Variants in PARD3 observed in about 807,000 individuals in gnomAD.
PARD3 encodes the protein par-3 family cell polarity regulator.
In PARD3, 75 loss-of-function variants were observed where a neutral mutation model predicts 155.4. The ratio of observed to expected loss-of-function variants is 0.48; its 90% CI spans 0.40 to 0.58. PARD3 has a LOEUF of 0.58. PARD3 is among the 20% of genes least tolerant of loss of function. PARD3 has a pLI of 0.00. For missense variants in PARD3, 1,642 were observed against 1,721.7 expected, an observed-to-expected ratio of 0.95 and a Z score of 0.82; for synonymous variants, 576 against 610.5, an observed-to-expected ratio of 0.94 and a Z score of 0.83.
chr10:34,648,375 G>T (rs2092908219), intron 2 of PARD3, among the ~76,000 whole-genome samples: 1 of 152,096 alleles, frequency 6.6e-6, no homozygotes, highest in South Asian at 2.1e-4. Context: ...TTTCATGCTG[G>T]TGTGCTGCTT....
In PARD3 at chr10:34,119,558, C is replaced by CG. The variant is rs1946868874; in HGVS notation, c.3668+54dup. 3 of 1,525,602 alleles carry CG rather than the reference C, an allele frequency of 2.0e-6. No individual in the cohort carries two copies. In the South Asian group the frequency reaches 3.7e-5, roughly 19 times the overall value. 94.5% of individuals were successfully genotyped at this position (1,525,602 alleles called of 1,614,324 possible). A position where few individuals can be genotyped will look rare whatever the true frequency, so the allele number is the denominator to read the frequency against. On this transcript the variant is annotated intron_variant, in intron 24 of 24. Coordinates refer to ENST00000374788, the MANE Select transcript of PARD3 (RefSeq NM_001184785.2). ...TGGGAAGGAGCGCGTTCCTAAAGGG[C>CG]GGGGGATCTTAAAGGGCCGGGGGGA... is the stretch of plus-strand genomic sequence containing the variant.
At chr10:34,434,996 TATAAG>T in intron 5 of PARD3, among the ~76,000 whole-genome samples, 1 of 152,296 alleles carries the variant, frequency 6.6e-6, no homozygotes, top group South Asian at 2.1e-4. Context: ...CAAGTTGACA[TATAAG>T]AGATAGAAAA....
At chr10:34,619,143 TG>T in intron 2 of PARD3, among the ~76,000 whole-genome samples, 1 of 151,310 alleles carries the variant, frequency 6.6e-6, no homozygotes, top group Admixed American at 6.6e-5. Context: ...TTCCACCTCC[TG>T]GGTTCAAGCA....
chr10:34,640,043 A>G (rs952442300), intron 2 of PARD3, among the ~76,000 whole-genome samples: 1 of 152,234 alleles, frequency 6.6e-6, no homozygotes, highest in African/African-American at 2.4e-5. Flanking sequence ...CCAAGATTCT[A>G]TATTCAGAAC....
intron 20 of PARD3, among the ~76,000 whole-genome samples, chr10:34,311,746 C>A (rs538143971): frequency 6.6e-6 from 1 of 151,300 alleles, no homozygotes; most frequent in East Asian, 1.9e-4. Flanking sequence ...CACCACCACC[C>A]CCCTGCCAAC....
chr10:34,384,452 A>T (rs1842147503), intron 7 of PARD3, among the ~76,000 whole-genome samples, 198 bp from the exon 8 acceptor site: 1 of 152,212 alleles, frequency 6.6e-6, no homozygotes, highest in African/African-American at 2.4e-5. Context: ...CCTTCCATAA[A>T]TGTAAAAAAT....
rs140229709 is a variant in PARD3 at position 34,580,478 on chromosome 10, T to C, written c.223-63319A>G. ...GGAGCCTAAGAAGTCCAGGTTGCAA[T>C]GAGCTATAATCTCACCATTGCAGTC... On this transcript the variant is annotated intron_variant, in intron 2 of 24. Transcript: ENST00000374788. Among the ~76,000 whole-genome samples the C allele has an allele frequency of 2.4e-3, 366 of 152,294 alleles. 1 individual carries two copies. The highest frequency in any genetic ancestry group is 8.0e-3 in the African/African-American group (334 of 41,570).
chr10:34,498,232 G>A (rs112700733), intron 3 of PARD3, among the ~76,000 whole-genome samples: 3 of 151,880 alleles, frequency 2.0e-5, no homozygotes, highest in African/African-American at 7.3e-5. Flanking sequence ...AGACACTTCA[G>A]TATTTCTCAG....
chr10:34,358,562 G>A (rs923684408), intron 14 of PARD3, among the ~76,000 whole-genome samples: 1 of 152,090 alleles, frequency 6.6e-6, no homozygotes, highest in South Asian at 2.1e-4. Context: ...GTGCTATGGC[G>A]CGTGCCTGTA....
intron 24 of PARD3, among the ~76,000 whole-genome samples, chr10:34,112,025 CGCTAGCTAATATGAAGTA>C (rs1946410095): frequency 1.3e-5 from 2 of 152,148 alleles, no homozygotes; most frequent in African/African-American, 4.8e-5. Flanking sequence ...ATGCCAGAAG[CGCTAGCTAATATGAAGTA>C]CATGTAATGG....
chr10:34,523,430 T>C (rs1427886420), intron 2 of PARD3, among the ~76,000 whole-genome samples: 1 of 152,230 alleles, frequency 6.6e-6, no homozygotes, highest in African/African-American at 2.4e-5. Flanking sequence ...TAAAGACTTA[T>C]AATTCTTTTA....
chr10:34,577,972 C>T (rs1001777094), intron 2 of PARD3, among the ~76,000 whole-genome samples: 13 of 151,948 alleles, frequency 8.6e-5, no homozygotes, highest in Non-Finnish European at 1.3e-4. Context: ...CTGCCTCGGC[C>T]TCCTGAGTAG....
At chr10:34,581,109 C>T (rs1016478377) in intron 2 of PARD3, among the ~76,000 whole-genome samples, 4 of 152,002 alleles carry the variant, frequency 2.6e-5, no homozygotes, top group African/African-American at 9.7e-5. Flanking sequence ...GATTTAGATT[C>T]CTTTAAAAGC....
chr10:34,667,859 C>T (rs537863878), intron 2 of PARD3, among the ~76,000 whole-genome samples: 1 of 152,210 alleles, frequency 6.6e-6, no homozygotes, highest in Admixed American at 6.5e-5. Flanking sequence ...ATGCTAAGCT[C>T]CATTCTCCTC....
intron 22 of PARD3, among the ~76,000 whole-genome samples, chr10:34,135,558 A>G (rs1947849857): frequency 6.6e-6 from 1 of 152,142 alleles, no homozygotes; most frequent in African/African-American, 2.4e-5. Context: ...ACATCTTCAA[A>G]TTGGATACTA....
chr10:34,465,319 GA>G (rs1198756858), intron 4 of PARD3, among the ~76,000 whole-genome samples: 1 of 151,246 alleles, frequency 6.6e-6, no homozygotes, highest in African/African-American at 2.4e-5. Flanking sequence ...TACTATCAGG[GA>G]AAAAAAAGGG....
At chr10:34,687,870 T>C (rs1018815641) in intron 2 of PARD3, among the ~76,000 whole-genome samples, 6 of 144,352 alleles carry the variant, frequency 4.2e-5, no homozygotes, top group South Asian at 2.3e-4. Context: ...TTTTTTTTTT[T>C]TTGAGACAGG....
chr10:34,113,314 T>G (rs1946488511), intron 24 of PARD3, among the ~76,000 whole-genome samples: 1 of 152,160 alleles, frequency 6.6e-6, no homozygotes, highest in Admixed American at 6.5e-5. Flanking sequence ...GAAGACACAG[T>G]CTTTCTACAT....
Position 34,564,509 on chromosome 10 carries a change from T to G in PARD3, c.223-47350A>C, listed in dbSNP as rs575775171. Among the ~76,000 whole-genome samples, 4 of 152,272 alleles carry G rather than the reference T, an allele frequency of 2.6e-5. No individual in the cohort carries two copies. The South Asian group carries it at 8.3e-4, about 32-fold the overall frequency. On this transcript the variant is annotated intron_variant, in intron 2 of 24. Transcript: ENST00000374788. ...AGTCATCAGCAATCTTCGGAGGGTT[T>G]TGAGGGTAGGTTTCCAGCTCAGGTA... is the stretch of plus-strand genomic sequence containing the variant.
Sources: allele counts gnomAD v4.1 joint callset (sites outside exome capture counted in the v4.1 genomes callset), GRCh38; gene constraint gnomAD v4.1.1; transcripts MANE v1.5; gene names NCBI Gene and HGNC (gene_info 2026-07-23, HGNC 2026-07-21).